The following SLC12A9 variants were observed in gnomAD, a reference collection of about 807,000 sequenced individuals.
SLC12A9 encodes solute carrier family 12 member 9.
In SLC12A9, 55 loss-of-function variants were observed where a neutral mutation model predicts 66.0. The ratio of observed to expected loss-of-function variants is 0.83; its 90% CI spans 0.67 to 1.04. SLC12A9 has a LOEUF of 1.04. Ranked by LOEUF, SLC12A9 falls within the 50% of genes least tolerant of loss-of-function variation. The probability of loss-of-function intolerance (pLI) is 0.00; values close to 1 mark genes in which losing one functional copy is unlikely to be tolerated. For synonymous variants in SLC12A9, 577 were observed against 569.0 expected, an observed-to-expected ratio of 1.01 and a Z score of -0.20; for missense variants, 1,061 against 1,241.9, an observed-to-expected ratio of 0.85 and a Z score of 2.19.
intron 13 of SLC12A9, 54 bp from the exon 14 acceptor site, chr7:100,865,665 T>C (rs1815032431): frequency 6.4e-7 from 1 of 1,564,700 alleles, no homozygotes; most frequent in Non-Finnish European, 8.7e-7. Flanking sequence ...TGGTGTAAAC[T>C]TAGCCTGTGA....
At chr7:100,858,232 T>G (rs550559110) in intron 5 of SLC12A9, 3 of 149,888 alleles carry the variant, frequency 2.0e-5, no homozygotes, top group African/African-American at 7.4e-5. Context: ...GCCAACATGG[T>G]GAAACCCCAT....
At chr7:100,831,085 G>A (rs780367982) in intron 1 of SLC12A9, among the ~76,000 whole-genome samples, 3 of 152,208 alleles carry the variant, frequency 2.0e-5, no homozygotes, top group Non-Finnish European at 4.4e-5. Flanking sequence ...TTTGTTCCCA[G>A]CCCAGAGCAA....
In SLC12A9 at chr7:100,861,392, C is replaced by T; in HGVS notation, c.1344C>T (p.Arg448=). ...SLEWASAPNF[R]PTFSLFSWHT... is the part of the protein sequence containing the mutation. Reference sequence around the variant, plus strand: ...TCCCTCCTCCCCTCCATGCCCGCAGCCCCACCTTCAGCCTGTTCTCCTGGC... The same window carrying T: ...TCCCTCCTCCCCTCCATGCCCGCAGTCCCACCTTCAGCCTGTTCTCCTGGC... The change falls in exon 11 of 14, where the codon CGC becomes CGT. Residue 448 remains arginine, a splice_region_variant and synonymous_variant. Transcript: ENST00000354161. The surrounding 1 kb of genome is among the most constrained non-coding windows in gnomAD (Gnocchi z 5.3). The T allele has an allele frequency of 6.2e-7, 1 of 1,613,234 alleles. No homozygotes were observed. The highest frequency in any genetic ancestry group is 8.5e-7 in the Non-Finnish European group (1 of 1,179,602).
chr7:100,866,919 G>C lies in SLC12A9; in HGVS notation c.*314G>C. 1 of 351,148 alleles carries C rather than the reference G, an allele frequency of 2.8e-6. No homozygotes were observed. 21.8% of individuals were successfully genotyped at this position (351,148 alleles called of 1,614,324 possible). A position where few individuals can be genotyped will look rare whatever the true frequency, so the allele number is the denominator to read the frequency against. On this transcript the variant is annotated 3_prime_UTR_variant, in exon 14 of 14. Transcript: ENST00000354161. This position sits in a 1 kb window ranked among gnomAD's most constrained non-coding sequence, Gnocchi z 7.3. Reference sequence around the variant, plus strand: ...TGGGCTACCTCAGTTTCCCCATTTTGGCCAGACTCACCGGCCCACTGGGGT... The same window carrying C: ...TGGGCTACCTCAGTTTCCCCATTTTCGCCAGACTCACCGGCCCACTGGGGT...
upstream of SLC12A9, chr7:100,852,538 C>G (rs1457793769): frequency 2.6e-5 from 4 of 152,324 alleles, no homozygotes; most frequent in African/African-American, 7.2e-5. Context: ...CTCCGAGACC[C>G]GCGGCCCACG....
chr7:100,842,116 G>GAAA (rs781017373), intron 1 of SLC12A9, among the ~76,000 whole-genome samples: 1 of 117,978 alleles, frequency 8.5e-6, no homozygotes. Flanking sequence ...TGTTCGTACA[G>GAAA]AAAAAAAAAA....
At chr7:100,829,525 G>C (rs1813502344) in intron 1 of SLC12A9, among the ~76,000 whole-genome samples, 1 of 151,966 alleles carries the variant, frequency 6.6e-6, no homozygotes, top group African/African-American at 2.4e-5. Context: ...GGGGGGGTGG[G>C]CCGGTCACCG....
chr7:100,856,569 C>A, intron 4 of SLC12A9: 1 of 327,932 alleles, frequency 3.0e-6, no homozygotes, highest in Non-Finnish European at 5.6e-6. Flanking sequence ...GGCTGGAGTG[C>A]AGTGGTACCA....
rs116409758 is a variant in SLC12A9, at chr7:100,827,105, G to A, written n.228+58G>A. ...CCCCCCCAGGTCTGACTCTCCCTGG[G>A]CGGGTGGACGCCGATACTCCGCGCG... On this transcript the variant is annotated intron_variant and non_coding_transcript_variant, in intron 1 of 1. Transcript: ENST00000461016. The A allele has an allele frequency of 3.2e-3, 4,774 of 1,489,738 alleles. 136 individuals carry two copies. In the African/African-American group the frequency reaches 0.061, roughly 19 times the overall value. The allele number at this position is 1,489,738 out of a possible 1,614,324, so 92.3% of individuals were successfully genotyped here. A position where few individuals can be genotyped will look rare whatever the true frequency, so the allele number is the denominator to read the frequency against.
chr7:100,862,406 G>T (rs1347255504), intron 12 of SLC12A9, among the ~76,000 whole-genome samples: 1 of 152,148 alleles, frequency 6.6e-6, no homozygotes, highest in Non-Finnish European at 1.5e-5. Flanking sequence ...CTACAGGTGT[G>T]TGCCACCAGG....
At chr7:100,826,907 C>T (rs1584670392) in exon 1 of SLC12A9, 2 of 1,517,566 alleles carry the variant, frequency 1.3e-6, no homozygotes, top group Non-Finnish European at 1.8e-6. Context: ...GGCCCCTCCA[C>T]TCCGAGGCCC....
In SLC12A9 at chr7:100,861,341, C is replaced by A. The variant is rs199865530; in HGVS notation, c.1344-51C>A. The A allele has an allele frequency of 1.2e-6, 2 of 1,611,398 alleles. No individual in the cohort carries two copies. The highest frequency in any genetic ancestry group is 1.7e-6 in the Non-Finnish European group (2 of 1,178,010). ...GGCGTGGGGCTGGGGACTGCAGCCT[C>A]GTGTGCGGCCTGCCCTGAGTTTCTG... On this transcript the variant is annotated intron_variant, in intron 10 of 13. Transcript: ENST00000354161. This position sits in a 1 kb window ranked among gnomAD's most constrained non-coding sequence, Gnocchi z 5.3.
rs139513482 is a variant in SLC12A9, at chr7:100,826,991, C to T, written n.172C>T. On this transcript the variant is annotated non_coding_transcript_exon_variant, in exon 1 of 2. Coordinates refer to the SLC12A9 transcript ENST00000461016. The stretch of plus-strand genomic sequence containing the variant: ...CAAGGAAACTCACCTTCCAAAGCTG[C>T]GGCCAACGAAGCCCAGCAGAGCAGC... The T allele has an allele frequency of 2.6e-4, 407 of 1,567,976 alleles. No homozygotes were observed. Among genetic ancestry groups the T allele is most frequent in the Non-Finnish European group, 3.2e-4 (370 of 1,154,998 alleles).
chr7:100,833,597 A>C (rs958823084), intron 1 of SLC12A9, among the ~76,000 whole-genome samples: 1 of 151,832 alleles, frequency 6.6e-6, no homozygotes, highest in African/African-American at 2.4e-5. Context: ...ACTTGAGCCC[A>C]GGAGTTCCAG....
At chr7:100,828,281 G>C (rs1239248550) in intron 1 of SLC12A9, among the ~76,000 whole-genome samples, 1 of 151,736 alleles carries the variant, frequency 6.6e-6, no homozygotes, top group Non-Finnish European at 1.5e-5. Flanking sequence ...GCTCACGCCT[G>C]TAGTCCCAGC....
chr7:100,853,224 C>A (rs1814177360), intron 1 of SLC12A9: 2 of 151,986 alleles, frequency 1.3e-5, no homozygotes, highest in Non-Finnish European at 2.9e-5. Flanking sequence ...GCTCAGGACA[C>A]CGAAGGAGAG....
chr7:100,843,293 T>C (rs1042487120), intron 1 of SLC12A9, among the ~76,000 whole-genome samples: 5 of 152,220 alleles, frequency 3.3e-5, no homozygotes, highest in Non-Finnish European at 7.3e-5. Context: ...TGGAGTCCCA[T>C]GAGGAATACC....
In SLC12A9 at chr7:100,859,974, C is replaced by A; in HGVS notation, c.1067C>A (p.Ser356Ter). 1 of 1,613,392 alleles carries A rather than the reference C, an allele frequency of 6.2e-7. No homozygotes were observed. The highest frequency in any genetic ancestry group is 8.5e-7 in the Non-Finnish European group (1 of 1,179,362). The change falls in exon 8 of 14, where the codon TCA (serine) becomes TAA (stop). Residue 356 changes from serine to a stop codon, truncating the protein, a stop_gained. Coordinates refer to ENST00000354161, the MANE Select transcript of SLC12A9 (RefSeq NM_020246.4). LOFTEE classifies it high-confidence loss of function. The part of the protein sequence containing the change: ...VLIGIYATAL[S>*]ASMSSLIGAS... Reference sequence around the variant, plus strand: ...ATCGGAATCTATGCCACAGCGCTCTCAGCGTCCATGAGCTCGCTCATTGGT... The same window carrying A: ...ATCGGAATCTATGCCACAGCGCTCTAAGCGTCCATGAGCTCGCTCATTGGT...
intron 1 of SLC12A9, among the ~76,000 whole-genome samples, chr7:100,833,852 G>A (rs985087382): frequency 3.5e-5 from 5 of 143,424 alleles, no homozygotes; most frequent in African/African-American, 7.9e-5. Context: ...AGAATGGCGG[G>A]AACCCGGGAG....
Sources: gnomAD v4.1 joint callset for allele counts (sites outside exome capture counted in the v4.1 genomes callset) on GRCh38, gnomAD v4.1.1 for gene constraint, Gnocchi (gnomAD v3.1) non-coding constraint, MANE v1.5 for transcripts, NCBI Gene and HGNC (gene_info 2026-07-23, HGNC 2026-07-21) for gene names.